GRID2: variants seen among roughly 807,000 people sequenced by gnomAD.
GRID2 encodes the protein glutamate ionotropic receptor delta type subunit 2.
In GRID2, 33 loss-of-function variants were observed where a neutral mutation model predicts 114.8. The ratio of observed to expected loss-of-function variants is 0.29; its 90% CI spans 0.22 to 0.38. GRID2 has a LOEUF of 0.38. GRID2 is among the 10% of genes least tolerant of loss of function. The probability of loss-of-function intolerance (pLI) is 1.00; values close to 1 mark genes in which losing one functional copy is unlikely to be tolerated. For synonymous variants in GRID2, 505 were observed against 449.9 expected (o/e 1.12, Z -1.55); for missense variants, 1,184 against 1,257.7 (o/e 0.94, Z 0.89).
intron 2 of GRID2, among the ~76,000 whole-genome samples, chr4:92,764,348 G>C (rs963773582): frequency 1.3e-5 from 2 of 152,156 alleles, no homozygotes; most frequent in Admixed American, 6.5e-5. Flanking sequence ...AAGGAAGGAG[G>C]CATGTAAATT....
At chr4:92,479,546 G>A (rs1722482132) in intron 1 of GRID2, among the ~76,000 whole-genome samples, 1 of 152,048 alleles carries the variant, frequency 6.6e-6, no homozygotes, top group Non-Finnish European at 1.5e-5. Context: ...ATTTGATGAT[G>A]TTCTTTATTT....
At chr4:92,673,317 T>C (rs1426085549) in intron 2 of GRID2, among the ~76,000 whole-genome samples, 2 of 152,222 alleles carry the variant, frequency 1.3e-5, no homozygotes, top group African/African-American at 2.4e-5. Flanking sequence ...TTTATGTCTG[T>C]ATGCACTGTT....
chr4:92,796,892 T>G (rs1739906520), intron 2 of GRID2, among the ~76,000 whole-genome samples: 1 of 151,936 alleles, frequency 6.6e-6, no homozygotes, highest in Admixed American at 6.6e-5. Context: ...TTCTAGCAAT[T>G]CTGCACCCAT....
At chr4:93,425,392 A>C (rs1249990592) in intron 10 of GRID2, among the ~76,000 whole-genome samples, 1 of 152,130 alleles carries the variant, frequency 6.6e-6, no homozygotes, top group Admixed American at 6.5e-5. Flanking sequence ...CCCTAGGGCA[A>C]ATCCCTTGGT....
At chr4:93,684,645 G>T (rs1330804514) in intron 14 of GRID2, among the ~76,000 whole-genome samples, 1 of 152,050 alleles carries the variant, frequency 6.6e-6, no homozygotes, top group Non-Finnish European at 1.5e-5. Flanking sequence ...AACATCGAGG[G>T]TACAGGGGAT....
At chr4:92,455,228 T>C (rs963435205) in intron 1 of GRID2, among the ~76,000 whole-genome samples, 1 of 152,238 alleles carries the variant, frequency 6.6e-6, no homozygotes, top group African/African-American at 2.4e-5. Context: ...TTAATGCATC[T>C]ATTGAGCAAG....
intron 1 of GRID2, among the ~76,000 whole-genome samples, chr4:92,328,560 A>C (rs1372700798): frequency 6.6e-6 from 1 of 152,050 alleles, no homozygotes; most frequent in Non-Finnish European, 1.5e-5. Flanking sequence ...GAGACGATAG[A>C]TTGGATTCTA....
At chr4:93,434,898 G>A (rs1449832380) in intron 10 of GRID2, among the ~76,000 whole-genome samples, 1 of 151,974 alleles carries the variant, frequency 6.6e-6, no homozygotes, top group Non-Finnish European at 1.5e-5. Context: ...TATACTCATT[G>A]AACTTGGCCT....
chr4:92,854,827 AAGTTTAT>A (rs1371820583), intron 2 of GRID2, among the ~76,000 whole-genome samples: 13 of 152,034 alleles, frequency 8.6e-5, no homozygotes, highest in Admixed American at 5.3e-4. Context: ...TGAAGATTGA[AAGTTTAT>A]AGTTTATAGA....
chr4:92,421,654 G>A (rs946286530), intron 1 of GRID2, among the ~76,000 whole-genome samples: 5 of 152,138 alleles, frequency 3.3e-5, no homozygotes, highest in African/African-American at 1.2e-4. Context: ...GCAGAAGAGA[G>A]TAAAAACAAG....
At chr4:92,411,346 C>T (rs1731289181) in intron 1 of GRID2, among the ~76,000 whole-genome samples, 1 of 151,820 alleles carries the variant, frequency 6.6e-6, no homozygotes, top group African/African-American at 2.4e-5. Context: ...TCATATTTAC[C>T]TTAATGTTAT....
At chr4:93,104,639 T>A (rs1012679155) in intron 3 of GRID2, among the ~76,000 whole-genome samples, 10 of 152,182 alleles carry the variant, frequency 6.6e-5, no homozygotes, top group Non-Finnish European at 1.0e-4. Context: ...ACATGAACTC[T>A]TCATTTTTTA....
chr4:92,450,220 A>C (rs150260304), intron 1 of GRID2, among the ~76,000 whole-genome samples: 1 of 152,176 alleles, frequency 6.6e-6, no homozygotes, highest in Admixed American at 6.5e-5. Flanking sequence ...TGGTGTACCT[A>C]TCTTGTGCCT....
intron 14 of GRID2, among the ~76,000 whole-genome samples, chr4:93,768,774 T>C (rs1032426943): frequency 2.0e-5 from 3 of 152,188 alleles, no homozygotes; most frequent in Admixed American, 6.5e-5. Context: ...CAAAACGTTC[T>C]TCATAAAAGC....
chr4:93,142,912 C>G (rs1032004320), intron 4 of GRID2, among the ~76,000 whole-genome samples: 2 of 152,168 alleles, frequency 1.3e-5, no homozygotes, highest in Non-Finnish European at 2.9e-5. Flanking sequence ...ATAGCAGTGG[C>G]AGCATCCATA....
chr4:93,540,545 C>T (rs1253379895), intron 13 of GRID2, among the ~76,000 whole-genome samples: 2 of 152,068 alleles, frequency 1.3e-5, no homozygotes, highest in African/African-American at 4.8e-5. Context: ...AGACCTAAGG[C>T]AGGGTTGAGC....
At chr4:93,047,360 A>T (rs565995175) in intron 2 of GRID2, among the ~76,000 whole-genome samples, 1 of 152,282 alleles carries the variant, frequency 6.6e-6, no homozygotes, top group South Asian at 2.1e-4. Context: ...TGGTTCATCA[A>T]TTATAACAAA....
At chr4:93,416,600 T>C (rs141958360) in intron 9 of GRID2, among the ~76,000 whole-genome samples, 3 of 152,194 alleles carry the variant, frequency 2.0e-5, no homozygotes, top group East Asian at 1.9e-4. Context: ...GCTTGTAGCT[T>C]GTACCTATCA....
intron 2 of GRID2, among the ~76,000 whole-genome samples, chr4:92,862,555 G>A (rs1330248245): frequency 2.0e-5 from 3 of 152,124 alleles, no homozygotes; most frequent in East Asian, 1.9e-4. Context: ...AATATGAAAT[G>A]TATCACTATT....
Sources: gnomAD v4.1 joint callset for allele counts (sites outside exome capture counted in the v4.1 genomes callset) on GRCh38, gnomAD v4.1.1 for gene constraint, MANE v1.5 for transcripts, NCBI Gene and HGNC (gene_info 2026-07-23, HGNC 2026-07-21) for gene names.